Variants in ZNF585A observed in about 807,000 individuals in gnomAD.
ZNF585A encodes the protein zinc finger protein 585A.
In ZNF585A, 9 loss-of-function variants were observed where a neutral mutation model predicts 14.9. That is an observed-to-expected ratio of 0.60 (90% confidence interval 0.36 to 1.05). The LOEUF (loss-of-function observed/expected upper bound fraction) is 1.05. Ranked by LOEUF, ZNF585A falls within the 50% of genes least tolerant of loss-of-function variation. The pLI, the probability that ZNF585A is intolerant of heterozygous loss-of-function variation, is 0.01. For missense variants in ZNF585A, 726 were observed against 926.4 expected (o/e 0.78, Z 2.81); for synonymous variants, 276 against 319.9 (o/e 0.86, Z 1.46).
At chr19:37,161,143 G>C (rs1972007841) in intron 2 of ZNF585A, among the ~76,000 whole-genome samples, 1 of 150,640 alleles carries the variant, frequency 6.6e-6, no homozygotes, top group Admixed American at 6.7e-5. Context: ...TTTAAGCCCA[G>C]TATTACTCCA....
At chr19:37,165,748 AT>A in intron 2 of ZNF585A, 3 of 712,812 alleles carry the variant, frequency 4.2e-6, no homozygotes, top group South Asian at 6.3e-5. Context: ...ATAATTTTAA[AT>A]ATTATTCTTT....
rs1971836022 is a variant in ZNF585A at position 37,151,912 on chromosome 19, T to C, written c.1987A>G (p.Ile663Val). 2 of 1,612,986 alleles carry C rather than the reference T, an allele frequency of 1.2e-6. No homozygotes were observed. Among genetic ancestry groups the C allele is most frequent in the African/African-American group, 2.7e-5 (2 of 74,596 alleles). ...QKTHTGEKPY[I>V]CSECGKTFRQ... ...AAGGTCTTCCCACATTCAGAACAAATGTAGGGCTTTTCTCCGGTATGAGTT... is the reference window on the plus strand; with the variant it reads ...AAGGTCTTCCCACATTCAGAACAAACGTAGGGCTTTTCTCCGGTATGAGTT... The change falls in exon 5 of 5, where the codon ATT becomes GTT. Residue 663 changes from isoleucine to valine, a missense_variant. By Grantham distance (29) the Ile-to-Val change is conservative. Coordinates refer to ENST00000292841, the MANE Select transcript of ZNF585A (RefSeq NM_001288800.2).
At chr19:37,167,400 C>T (rs2145415812) in intron 2 of ZNF585A, among the ~76,000 whole-genome samples, 1 of 152,026 alleles carries the variant, frequency 6.6e-6, no homozygotes, top group African/African-American at 2.4e-5. Context: ...GTCTCGAACT[C>T]CTGACCTCAT....
chr19:37,158,002 C>T (rs776786000), intron 2 of ZNF585A, among the ~76,000 whole-genome samples: 1 of 151,844 alleles, frequency 6.6e-6, no homozygotes, highest in Non-Finnish European at 1.5e-5. Flanking sequence ...CGTTCTCTGC[C>T]TCAGACTCCC....
Position 37,149,249 on chromosome 19 carries a change from T to A in ZNF585A, c.*2340A>T, listed in dbSNP as rs1440759149. 1 of 152,162 alleles carries A rather than the reference T, an allele frequency of 6.6e-6. No individual in the cohort carries two copies. Among genetic ancestry groups the A allele is most frequent in the Admixed American group, 6.5e-5 (1 of 15,272 alleles). The allele number at this position is 152,162 out of a possible 1,614,324, so 9.4% of individuals were successfully genotyped here. ...CTGATAATGTGGGAGGCTATGCATA[T>A]GTGGATTAGGGGATATATGGGAAAC... On this transcript the variant is annotated 3_prime_UTR_variant, in exon 5 of 5. Transcript: ENST00000292841.
intron 1 of ZNF585A, chr19:37,172,256 T>TA (rs1463619220): frequency 2.0e-5 from 3 of 152,168 alleles, no homozygotes; most frequent in African/African-American, 7.2e-5. Flanking sequence ...AAAAACCACT[T>TA]AGATTTGAAC....
At position 37,152,750 on chromosome 19, in the gene ZNF585A, T is replaced by C. The variant is rs1173419889; in HGVS notation, c.1149A>G (p.Glu383=). The C allele has an allele frequency of 3.1e-6, 5 of 1,614,088 alleles. No individual in the cohort carries two copies. The highest frequency in any genetic ancestry group is 4.2e-6 in the Non-Finnish European group (5 of 1,180,040). ...TGAAGGCTTTCCCACAGTCACTGCA[T>C]TCATAAGGTTTCTCTCCAGTGTGAA... is the stretch of plus-strand genomic sequence containing the variant. The part of the protein sequence containing the change: ...QRIHTGEKPY[E]CSDCGKAFTQ... The change falls in exon 5 of 5, where the codon GAA becomes GAG. Residue 383 remains glutamate, a synonymous_variant. Transcript: ENST00000292841.
In ZNF585A at chr19:37,147,019, A is replaced by C. The variant is rs1971752034; in HGVS notation, c.*4570T>G. ...GCTATTATTCATTCATCCATTTAAC[A>C]AGCTTGTACTGAGCATCTGCTTTGA... On this transcript the variant is annotated 3_prime_UTR_variant, in exon 5 of 5. Transcript: ENST00000292841. The C allele has an allele frequency of 6.6e-6, 1 of 152,088 alleles. No individual in the cohort carries two copies. Among genetic ancestry groups the C allele is most frequent in the Non-Finnish European group, 1.5e-5 (1 of 68,026 alleles). 9.4% of individuals were successfully genotyped at this position (152,088 alleles called of 1,614,324 possible).
At chr19:37,159,204 G>A (rs1971975173) in intron 2 of ZNF585A, among the ~76,000 whole-genome samples, 1 of 141,242 alleles carries the variant, frequency 7.1e-6, no homozygotes, top group African/African-American at 2.7e-5. Context: ...AGCTGAGGTC[G>A]TGCCACTGCA....
chr19:37,167,594 A>T (rs1015965363), intron 2 of ZNF585A, among the ~76,000 whole-genome samples: 19 of 123,988 alleles, frequency 1.5e-4, no homozygotes, highest in Admixed American at 2.3e-4. Flanking sequence ...TTTTATTTTT[A>T]TTTTATTTTA....
chr19:37,154,759 G>C (rs1247143291), intron 4 of ZNF585A, among the ~76,000 whole-genome samples: 2 of 149,436 alleles, frequency 1.3e-5, no homozygotes, highest in East Asian at 2.0e-4. Flanking sequence ...AAAAAGAGAG[G>C]GTGATTGGAC....
At position 37,152,663 on chromosome 19, in the gene ZNF585A, G is replaced by A; in HGVS notation, c.1236C>T (p.Cys412=). The change falls in exon 5 of 5, where the codon TGC becomes TGT. Residue 412 remains cysteine (C), a synonymous_variant. Transcript: ENST00000292841. ...RIHTGEKSYI[C]MKCGLAFIQK... is the part of the protein sequence containing the mutation. ...GAATGAAGGCCAGTCCACATTTCAT[G>A]CATATATACGATTTTTCTCCTGTAT... 1 of 1,613,888 alleles carries A rather than the reference G, an allele frequency of 6.2e-7. No individual in the cohort carries two copies. Among genetic ancestry groups the A allele is most frequent in the Non-Finnish European group, 8.5e-7 (1 of 1,179,866 alleles).
chr19:37,155,956 T>C lies in ZNF585A; in HGVS notation c.201A>G (p.Gly67=), dbSNP rs749021932. The change falls in exon 4 of 5, where the codon GGA becomes GGG. Residue 67 remains glycine, a splice_region_variant and synonymous_variant. Transcript: ENST00000292841. ...CCACCTCTGCTTCAGGAACTTGATA[T>C]CCTGTTCATGGGAAATGATAAAGGT... ...LETYSHLLSV[G]YQVPEAEVVM... 9.9e-6 allele frequency: 16 copies of C among 1,613,636 alleles called. No homozygotes were observed. The highest frequency in any genetic ancestry group is 1.1e-5 in the Non-Finnish European group (13 of 1,180,026).
In ZNF585A at chr19:37,151,943, G is replaced by A. The variant is rs764391570; in HGVS notation, c.1956C>T (p.His652=). The A allele has an allele frequency of 3.1e-6, 5 of 1,613,098 alleles. No homozygotes were observed. The South Asian group carries it at 5.5e-5, about 18-fold the overall frequency. The change falls in exon 5 of 5, where the codon CAC becomes CAT. Residue 652 remains histidine (H), a synonymous_variant. Transcript: ENST00000292841. ...AFSGRSNLSK[H]QKTHTGEKPY... is the part of the protein sequence containing the mutation. ...GCTTTTCTCCGGTATGAGTTTTCTG[G>A]TGCTTACTGAGATTTGACCTGCCAC...
chr19:37,171,638 C>G (rs1301969801), intron 1 of ZNF585A, among the ~76,000 whole-genome samples: 1 of 152,182 alleles, frequency 6.6e-6, no homozygotes, highest in Admixed American at 6.5e-5. Flanking sequence ...CAGTGGCTCA[C>G]GCCTGTAATC....
chr19:37,170,833 A>C lies in ZNF585A; in HGVS notation c.-144-779T>G, dbSNP rs974234057. ...AAATGCTTATCTCAAAGTTACAAAA[A>C]TTAAATGAGATAATACTTGTAAAGT... On this transcript the variant is annotated intron_variant, in intron 1 of 4. Coordinates refer to ENST00000292841, the MANE Select transcript of ZNF585A (RefSeq NM_001288800.2). Among the ~76,000 whole-genome samples the C allele has an allele frequency of 5.3e-5, 8 of 152,372 alleles. No individual in the cohort carries two copies. In the South Asian group the frequency reaches 1.7e-3, roughly 32 times the overall value.
At chr19:37,169,747 GCTCC>G (rs1599756886) in intron 2 of ZNF585A, 88 bp downstream of exon 2, 1 of 1,498,692 alleles carries the variant, frequency 6.7e-7, no homozygotes, top group Non-Finnish European at 9.1e-7. Context: ...CTGTGGCCCA[GCTCC>G]CTCCCTCAGT....
At chr19:37,168,528 A>G (rs1427208866) in intron 2 of ZNF585A, among the ~76,000 whole-genome samples, 1 of 152,242 alleles carries the variant, frequency 6.6e-6, no homozygotes, top group Admixed American at 6.5e-5. Context: ...CTTACTCTGC[A>G]TAAGGAAAGT....
rs538312910 is a variant in ZNF585A, at chr19:37,148,186, C to T, written c.*3403G>A. 9 of 152,104 alleles carry T rather than the reference C, an allele frequency of 5.9e-5. No individual in the cohort carries two copies. Among genetic ancestry groups the T allele is most frequent in the African/African-American group, 9.7e-5 (4 of 41,404 alleles). 9.4% of individuals were successfully genotyped at this position (152,104 alleles called of 1,614,324 possible). On this transcript the variant is annotated 3_prime_UTR_variant, in exon 5 of 5. Transcript: ENST00000292841. ...TCTGTATTCTTGCCAATTTATGGCA[C>T]GTTTTCATTTTTAGCCATTCTAAAA... is the stretch of plus-strand genomic sequence containing the variant.
Sources: gnomAD v4.1 joint callset for allele counts (sites outside exome capture counted in the v4.1 genomes callset) on GRCh38, gnomAD v4.1.1 for gene constraint, MANE v1.5 for transcripts, NCBI Gene and HGNC (gene_info 2026-07-23, HGNC 2026-07-21) for gene names.